ZBTB7C: variants seen among roughly 807,000 people sequenced by gnomAD.
ZBTB7C encodes zinc finger and BTB domain containing 7C, also known as zinc finger and BTB domain-containing protein 7C.
In ZBTB7C, 8 loss-of-function variants were observed where a neutral mutation model predicts 25.7. The observed-to-expected ratio is 0.31, with a 90% CI of 0.18 to 0.56. The LOEUF is 0.56. Ranked by LOEUF, ZBTB7C falls within the 20% of genes least tolerant of loss-of-function variation. The probability of loss-of-function intolerance (pLI) is 0.91; values close to 1 mark genes in which losing one functional copy is unlikely to be tolerated. For synonymous variants in ZBTB7C, 394 were observed against 369.0 expected (o/e 1.07, Z -0.78); for missense variants, 824 against 855.2 (o/e 0.96, Z 0.46).
rs552766576 is a variant in ZBTB7C at position 48,392,682 on chromosome 18, C to T, written c.-304+16544G>A. The stretch of plus-strand genomic sequence containing the variant: ...TCCCACAAACAATAAAGAAATCAGA[C>T]TGGGAAAGCACAGTGTCCTTACTAA... On this transcript the variant is annotated intron_variant, in intron 1 of 4. Coordinates refer to ENST00000590800, the MANE Select transcript of ZBTB7C (RefSeq NM_001318841.2). Among the ~76,000 whole-genome samples the T allele has an allele frequency of 2.0e-5, 3 of 152,306 alleles. No homozygotes were observed. In the South Asian group the frequency reaches 6.2e-4, roughly 32 times the overall value.
intron 3 of ZBTB7C, among the ~76,000 whole-genome samples, chr18:48,096,313 G>A (rs2038631300): frequency 6.6e-6 from 1 of 152,100 alleles, no homozygotes; most frequent in South Asian, 2.1e-4. Flanking sequence ...GTCACAAGCT[G>A]AGCTGTGACT....
At chr18:48,279,351 C>T (rs1259287519) in intron 2 of ZBTB7C, among the ~76,000 whole-genome samples, 1 of 151,924 alleles carries the variant, frequency 6.6e-6, no homozygotes, top group Non-Finnish European at 1.5e-5. Flanking sequence ...TCGTGGTCAA[C>T]ATGGCAAAAA....
chr18:48,321,258 A>G (rs1440801259), intron 2 of ZBTB7C, among the ~76,000 whole-genome samples: 1 of 152,052 alleles, frequency 6.6e-6, no homozygotes, highest in African/African-American at 2.4e-5. Context: ...ACAAGCCTCC[A>G]TTCAGCCACT....
intron 2 of ZBTB7C, among the ~76,000 whole-genome samples, chr18:48,314,415 T>C (rs781179899): frequency 2.0e-5 from 3 of 152,148 alleles, no homozygotes; most frequent in Admixed American, 1.3e-4. Flanking sequence ...ATGATTTTGC[T>C]CCCTAGGGTA....
At chr18:48,158,725 T>A (rs568257422) in intron 3 of ZBTB7C, among the ~76,000 whole-genome samples, 1 of 152,320 alleles carries the variant, frequency 6.6e-6, no homozygotes, top group African/African-American at 2.4e-5. Context: ...GGCTCAGCCC[T>A]GGTGGAAACA....
chr18:48,095,531 G>A (rs1160726998), intron 3 of ZBTB7C, among the ~76,000 whole-genome samples: 1 of 152,056 alleles, frequency 6.6e-6, no homozygotes, highest in African/African-American at 2.4e-5. Flanking sequence ...GGTCAACATG[G>A]TGAAACCTCA....
intron 2 of ZBTB7C, among the ~76,000 whole-genome samples, chr18:48,261,151 A>G (rs576627539): frequency 7.2e-5 from 11 of 152,360 alleles, no homozygotes; most frequent in Non-Finnish European, 1.5e-4. Context: ...GATAAACGTC[A>G]CCAACTCTTG....
upstream of ZBTB7C, among the ~76,000 whole-genome samples, chr18:48,410,421 C>A (rs373579270): frequency 9.2e-5 from 14 of 152,304 alleles, no homozygotes; most frequent in African/African-American, 3.4e-4. Flanking sequence ...CGCAACAATG[C>A]CAACGGGCGG....
At chr18:48,299,806 A>T (rs1230821023) in intron 2 of ZBTB7C, among the ~76,000 whole-genome samples, 1 of 152,226 alleles carries the variant, frequency 6.6e-6, no homozygotes, top group Non-Finnish European at 1.5e-5. Flanking sequence ...TCATGAGTAG[A>T]TGTGACATCT....
chr18:48,412,528 T>G (rs1052091300), upstream of ZBTB7C, among the ~76,000 whole-genome samples: 1 of 152,134 alleles, frequency 6.6e-6, no homozygotes, highest in Non-Finnish European at 1.5e-5. Flanking sequence ...GTTCAGAAGT[T>G]CACGAGCATC....
chr18:48,387,967 C>T (rs1599017386), intron 1 of ZBTB7C, among the ~76,000 whole-genome samples: 1 of 152,168 alleles, frequency 6.6e-6, no homozygotes, highest in East Asian at 1.9e-4. Context: ...CCTTGGATTA[C>T]AGACACCCAC....
chr18:48,234,415 A>T (rs2043327314), intron 2 of ZBTB7C, among the ~76,000 whole-genome samples: 1 of 152,180 alleles, frequency 6.6e-6, no homozygotes, highest in Non-Finnish European at 1.5e-5. Context: ...GTCTAACCCC[A>T]ACCCCGGTCT....
At chr18:48,138,258 G>C (rs1335556893) in intron 3 of ZBTB7C, among the ~76,000 whole-genome samples, 1 of 152,230 alleles carries the variant, frequency 6.6e-6, no homozygotes, top group Non-Finnish European at 1.5e-5. Context: ...GGATGAGGCT[G>C]TGCTTTGCAG....
At chr18:48,103,342 T>C (rs934602296) in intron 3 of ZBTB7C, among the ~76,000 whole-genome samples, 15 of 151,974 alleles carry the variant, frequency 9.9e-5, no homozygotes, top group Admixed American at 5.2e-4. Context: ...GATTGTTCAA[T>C]TGAGAGAAAA....
At chr18:48,166,897 CG>C (rs201276816) in intron 3 of ZBTB7C, among the ~76,000 whole-genome samples, 4,534 of 152,102 alleles carry the variant, frequency 0.03, 73 homozygotes, top group Middle Eastern at 0.075. Context: ...TCCTTACTGG[CG>C]GGGGGGAAGC....
intron 3 of ZBTB7C, chr18:48,149,874 G>T (rs577726589): frequency 6.7e-6 from 1 of 149,270 alleles, no homozygotes; most frequent in Non-Finnish European, 1.5e-5. Flanking sequence ...TGTAATCTCG[G>T]CTCACTGCAA....
intron 3 of ZBTB7C, among the ~76,000 whole-genome samples, chr18:48,129,785 CT>C: frequency 6.6e-6 from 1 of 152,342 alleles, no homozygotes; most frequent in Admixed American, 6.5e-5. Context: ...TCCCCACCCC[CT>C]GACAGCTTTA....
intron 2 of ZBTB7C, among the ~76,000 whole-genome samples, chr18:48,279,226 C>T (rs886468249): frequency 2.6e-5 from 4 of 152,134 alleles, no homozygotes; most frequent in East Asian, 1.9e-4. Flanking sequence ...ACCATTAAAA[C>T]GGAATGCCCT....
intron 2 of ZBTB7C, among the ~76,000 whole-genome samples, chr18:48,318,197 C>CA (rs975693589): frequency 3.3e-5 from 5 of 149,720 alleles, no homozygotes; most frequent in East Asian, 1.9e-4. Context: ...ATGTCCCTTG[C>CA]AAAAAACAAA....
Sources: allele counts gnomAD v4.1 joint callset (sites outside exome capture counted in the v4.1 genomes callset), GRCh38; gene constraint gnomAD v4.1.1; transcripts MANE v1.5; gene names NCBI Gene and HGNC (gene_info 2026-07-23, HGNC 2026-07-21).